Variants in PIEZO2 observed in about 807,000 individuals in gnomAD.
PIEZO2 encodes the protein piezo-type mechanosensitive ion channel component 2.
PIEZO2 carries 172 observed loss-of-function variants against 337.3 expected under a neutral mutation model. The observed-to-expected ratio is 0.51, with a 90% CI of 0.45 to 0.58. The LOEUF is 0.58. Ranked by LOEUF, PIEZO2 falls within the 20% of genes least tolerant of loss-of-function variation. The pLI is 0.00. For missense variants in PIEZO2, 3,028 were observed against 3,391.3 expected (o/e 0.89, Z 2.66); for synonymous variants, 1,251 against 1,228.5 (o/e 1.02, Z -0.38).
At chr18:10,843,344 T>C (rs1683377) in intron 7 of PIEZO2, among the ~76,000 whole-genome samples, 48,164 of 151,684 alleles carry the variant, frequency 0.32, 8,304 homozygotes, top group East Asian at 0.65. Context: ...AAAAGTTTGA[T>C]AGCTAAGTAA....
chr18:10,681,999 G>T, intron 50 of PIEZO2, 105 bp downstream of exon 50: 1 of 1,168,296 alleles, frequency 8.6e-7, no homozygotes, highest in Non-Finnish European at 1.2e-6. Context: ...GTCAAATGCC[G>T]ACAGCAGGGT....
intron 3 of PIEZO2, among the ~76,000 whole-genome samples, chr18:10,956,969 CA>C (rs67384142): frequency 0.011 from 567 of 50,656 alleles, 4 homozygotes; most frequent in African/African-American, 0.029. Flanking sequence ...AACTCCATCT[CA>C]AAAAAAAAAA....
At position 11,099,167 on chromosome 18, in the gene PIEZO2, C is replaced by A. The variant is rs1193821540; in HGVS notation, c.65-32945G>T. On this transcript the variant is annotated intron_variant, in intron 1 of 55. Coordinates refer to ENST00000674853, the MANE Select transcript of PIEZO2 (RefSeq NM_001378183.1). This position sits in a 1 kb window ranked among gnomAD's most constrained non-coding sequence, Gnocchi z 5.4. ...TTATTTAACCAATTCCCTGACTGGACTGACATTTCACTATTTTTTACAGTC... is the reference window on the plus strand; with the variant it reads ...TTATTTAACCAATTCCCTGACTGGAATGACATTTCACTATTTTTTACAGTC... Among the ~76,000 whole-genome samples, 3 of 152,176 alleles carry A rather than the reference C, an allele frequency of 2.0e-5. No individual in the cohort carries two copies. The highest frequency in any genetic ancestry group is 4.4e-5 in the Non-Finnish European group (3 of 68,034).
Position 10,767,053 on chromosome 18 carries a change from C to A in PIEZO2, c.2946+3095G>T, listed in dbSNP as rs1420779285. 1.3e-5 allele frequency among the ~76,000 whole-genome samples: 2 copies of A among 150,114 alleles called. No individual in the cohort carries two copies. Among genetic ancestry groups the A allele is most frequent in the African/African-American group, 4.9e-5 (2 of 40,862 alleles). The stretch of plus-strand genomic sequence containing the variant: ...CCCTTCCTTCTCCAATTGGCCAGGC[C>A]CCCCAGGGAGGAGCTGAGGTGCTAA... On this transcript the variant is annotated intron_variant, in intron 21 of 55. Transcript: ENST00000674853. The surrounding 1 kb of genome is among the most constrained non-coding windows in gnomAD (Gnocchi z 4.2).
chr18:11,114,384 G>A (rs768293625), intron 1 of PIEZO2, among the ~76,000 whole-genome samples: 6 of 152,172 alleles, frequency 3.9e-5, no homozygotes, highest in Non-Finnish European at 5.9e-5. Flanking sequence ...TAGCAGAGAC[G>A]GCCAAACGTG....
intron 7 of PIEZO2, among the ~76,000 whole-genome samples, chr18:10,849,510 C>A (rs186598011): frequency 1.6e-4 from 25 of 152,292 alleles, no homozygotes; most frequent in Admixed American, 1.6e-3. Flanking sequence ...AGTCCTCCCG[C>A]CCCCGGCTCC....
chr18:10,721,884 G>A (rs767852036), intron 36 of PIEZO2, among the ~76,000 whole-genome samples: 4 of 152,126 alleles, frequency 2.6e-5, no homozygotes, highest in Non-Finnish European at 5.9e-5. Flanking sequence ...AGCCAGGTGC[G>A]GTGGCTCATG....
At chr18:11,046,305 T>A (rs547311347) in intron 2 of PIEZO2, among the ~76,000 whole-genome samples, 10 of 152,354 alleles carry the variant, frequency 6.6e-5, no homozygotes, top group Non-Finnish European at 1.5e-4. Context: ...AATCAGCACC[T>A]TCTCACTGCT....
At chr18:10,816,909 T>C (rs1378981817) in intron 7 of PIEZO2, among the ~76,000 whole-genome samples, 1 of 152,160 alleles carries the variant, frequency 6.6e-6, no homozygotes, top group African/African-American at 2.4e-5. Context: ...GTATTAATTT[T>C]TAAAACATTG....
At chr18:11,067,519 C>G (rs1011050643) in intron 1 of PIEZO2, among the ~76,000 whole-genome samples, 1 of 152,120 alleles carries the variant, frequency 6.6e-6, no homozygotes, top group Admixed American at 6.5e-5. Context: ...TAAGAATACA[C>G]AGAGACTGAA....
Position 10,813,163 on chromosome 18 carries a change from T to G in PIEZO2, c.918-5889A>C, listed in dbSNP as rs1410705748. The stretch of plus-strand genomic sequence containing the variant: ...CTCAGCTAAGTTTTTGTATTTTTAG[T>G]AGAGAAGGGATTTCACCATGTTGGC... On this transcript the variant is annotated intron_variant, in intron 7 of 55. Transcript: ENST00000674853. The surrounding 1 kb of genome is among the most constrained non-coding windows in gnomAD (Gnocchi z 4.2). Among the ~76,000 whole-genome samples, 1 of 152,032 alleles carries G rather than the reference T, an allele frequency of 6.6e-6. No individual in the cohort carries two copies. The highest frequency in any genetic ancestry group is 1.5e-5 in the Non-Finnish European group (1 of 67,998).
rs1028956162 is a variant in PIEZO2, at chr18:10,716,603, G to A, written c.5090-787C>T. On this transcript the variant is annotated intron_variant, in intron 37 of 55. Transcript: ENST00000674853. This position sits in a 1 kb window ranked among gnomAD's most constrained non-coding sequence, Gnocchi z 4.1. ...TGCTTGAAGCTGAATGAAGTGAGTC[G>A]CTGTGGCCGCTGAACAGGAGATGCC... Among the ~76,000 whole-genome samples, 5 of 151,590 alleles carry A rather than the reference G, an allele frequency of 3.3e-5. No homozygotes were observed. The highest frequency in any genetic ancestry group is 5.9e-5 in the Non-Finnish European group (4 of 68,030).
In PIEZO2 at chr18:10,795,032, A is replaced by T. The variant is rs1381753834; in HGVS notation, c.1528-30T>A. The T allele has an allele frequency of 1.3e-6, 2 of 1,522,074 alleles. No individual in the cohort carries two copies. The highest frequency in any genetic ancestry group is 1.8e-6 in the Non-Finnish European group (2 of 1,126,792). The allele number at this position is 1,522,074 out of a possible 1,614,324, so 94.3% of individuals were successfully genotyped here. A position where few individuals can be genotyped will look rare whatever the true frequency, so the allele number is the denominator to read the frequency against. ...GGAGGACAGAAAAGGAAACACGACC[A>T]TGGTCAATACAATGCTCAGTCCCCC... On this transcript the variant is annotated intron_variant, in intron 12 of 55. Coordinates refer to ENST00000674853, the MANE Select transcript of PIEZO2 (RefSeq NM_001378183.1). This position sits in a 1 kb window ranked among gnomAD's most constrained non-coding sequence, Gnocchi z 4.4.
In PIEZO2 at chr18:10,748,201, G is replaced by T. The variant is rs906724962; in HGVS notation, c.4424+270C>A. ...CAGACTGAGCCACTTCTAGAGAAGTGGTGGATTCTGCAAGGGCTTCAATTG... is the reference window on the plus strand; with the variant it reads ...CAGACTGAGCCACTTCTAGAGAAGTTGTGGATTCTGCAAGGGCTTCAATTG... On this transcript the variant is annotated intron_variant, in intron 30 of 55. Coordinates refer to ENST00000674853, the MANE Select transcript of PIEZO2 (RefSeq NM_001378183.1). The surrounding 1 kb of genome is among the most constrained non-coding windows in gnomAD (Gnocchi z 5.1). Among the ~76,000 whole-genome samples, 1 of 152,158 alleles carries T rather than the reference G, an allele frequency of 6.6e-6. No homozygotes were observed. Among genetic ancestry groups the T allele is most frequent in the African/African-American group, 2.4e-5 (1 of 41,434 alleles).
intron 4 of PIEZO2, among the ~76,000 whole-genome samples, chr18:10,909,825 G>T (rs1428615947): frequency 6.6e-6 from 1 of 152,156 alleles, no homozygotes; most frequent in African/African-American, 2.4e-5. Flanking sequence ...TTTCTTTTAA[G>T]TTGGCCTATG....
intron 1 of PIEZO2, among the ~76,000 whole-genome samples, chr18:11,133,341 T>C (rs2040391502): frequency 6.6e-6 from 1 of 152,144 alleles, no homozygotes; most frequent in Non-Finnish European, 1.5e-5. Context: ...ATGACCTTAT[T>C]ATTGTCTTTA....
chr18:10,759,721 T>C lies in PIEZO2; in HGVS notation c.3639A>G (p.Pro1213=). The change falls in exon 25 of 56, where the codon CCA becomes CCG. Residue 1213 remains proline, a synonymous_variant. Coordinates refer to ENST00000674853, the MANE Select transcript of PIEZO2 (RefSeq NM_001378183.1). The surrounding 1 kb of genome is among the most constrained non-coding windows in gnomAD (Gnocchi z 5.5). ...CAGGCTCACCTCGGCAAGGAGCAGG[T>C]GGGATGCCAATGCAGATGAAATACT... ...TFQYFICIGI[P]PAPCRDYPWR... The C allele has an allele frequency of 1.3e-6, 2 of 1,537,256 alleles. No homozygotes were observed. Among genetic ancestry groups the C allele is most frequent in the Middle Eastern group, 1.7e-4 (1 of 5,990 alleles).
In PIEZO2 at chr18:11,149,543, G is replaced by T. The variant is rs1230695492; in HGVS notation, c.-955C>A. 6.6e-6 allele frequency among the ~76,000 whole-genome samples: 1 copy of T among 151,940 alleles called. No homozygotes were observed. The highest frequency in any genetic ancestry group is 1.5e-5 in the Non-Finnish European group (1 of 67,934). On this transcript the variant is annotated 5_prime_UTR_variant, in exon 1 of 56. Transcript: ENST00000674853. This position sits in a 1 kb window ranked among gnomAD's most constrained non-coding sequence, Gnocchi z 8.7. Reference sequence around the variant, plus strand: ...CCTCGCGGCGCAGCCGGGGCTCCCCGGCGGCGCGCGCTTCTCCACCTTCAA... The same window carrying T: ...CCTCGCGGCGCAGCCGGGGCTCCCCTGCGGCGCGCGCTTCTCCACCTTCAA...
rs2038607457 is a variant in PIEZO2 at position 11,078,053 on chromosome 18, C to T, written c.65-11831G>A. Among the ~76,000 whole-genome samples the T allele has an allele frequency of 7.0e-6, 1 of 143,038 alleles. No homozygotes were observed. Among genetic ancestry groups the T allele is most frequent in the Non-Finnish European group, 1.5e-5 (1 of 66,446 alleles). 93.8% of individuals were successfully genotyped at this position (143,038 alleles called of 152,430 possible). On this transcript the variant is annotated intron_variant, in intron 1 of 55. Coordinates refer to ENST00000674853, the MANE Select transcript of PIEZO2 (RefSeq NM_001378183.1). The surrounding 1 kb of genome is among the most constrained non-coding windows in gnomAD (Gnocchi z 5.3). ...ACACACACCCACACACACCCACACA[C>T]ACACACACACACACCACACACACAA...
Sources: gnomAD v4.1 joint callset for allele counts (sites outside exome capture counted in the v4.1 genomes callset) on GRCh38, gnomAD v4.1.1 for gene constraint, Gnocchi (gnomAD v3.1) non-coding constraint, MANE v1.5 for transcripts, NCBI Gene and HGNC (gene_info 2026-07-23, HGNC 2026-07-21) for gene names.